The following GLB1 variants were observed in gnomAD, a reference collection of about 807,000 sequenced individuals.
The protein encoded by GLB1 is beta-galactosidase.
In GLB1, 56 loss-of-function variants were observed where a neutral mutation model predicts 74.0. The ratio of observed to expected loss-of-function variants is 0.76; its 90% CI spans 0.61 to 0.94. GLB1 has a LOEUF of 0.94. GLB1 is among the 40% of genes least tolerant of loss of function. The pLI is 0.00. For missense variants in GLB1, 787 were observed against 845.5 expected (o/e 0.93, Z 0.86); for synonymous variants, 323 against 323.6 (o/e 1.00, Z 0.02).
chr3:32,990,830 T>C, the GLB1 span, among the ~76,000 whole-genome samples: 34 of 152,014 alleles, frequency 2.2e-4, no homozygotes, highest in African/African-American at 8.0e-4. Context: ...AAAAATTAGC[T>C]GGGCGTGGTG....
intron 6 of GLB1, among the ~76,000 whole-genome samples, chr3:33,057,842 T>C (rs1285395609): frequency 1.3e-5 from 2 of 152,132 alleles, no homozygotes; most frequent in Non-Finnish European, 2.9e-5. Context: ...GCCCCTGAGA[T>C]AGCAGTACTC....
In GLB1 at chr3:33,077,459, A is replaced by G. The variant is rs9827863; in HGVS notation, c.76-4746T>C. 91,192 of 782,308 alleles carry G rather than the reference A, an allele frequency of 0.12. 6,811 individuals carry two copies. The highest frequency in any genetic ancestry group is 0.35 in the East Asian group (10,697 of 30,870). The allele number at this position is 782,308 out of a possible 1,614,324, so 48.5% of individuals were successfully genotyped here. On this transcript the variant is annotated intron_variant, in intron 1 of 15. Transcript: ENST00000307363. ...AATGGAGGATGAAGATACAACCGAT[A>G]TGTTCCAACAGCAGTCAGGGGGTGT...
At chr3:33,000,246 CAT>C (rs1346827742) in intron 15 of GLB1, among the ~76,000 whole-genome samples, 3 of 152,126 alleles carry the variant, frequency 2.0e-5, no homozygotes, top group Non-Finnish European at 4.4e-5. Flanking sequence ...TGGCCATGCA[CAT>C]GTTTCTTACA....
intron 5 of GLB1, among the ~76,000 whole-genome samples, chr3:33,060,179 T>C (rs961131018): frequency 5.9e-5 from 9 of 152,226 alleles, no homozygotes; most frequent in Non-Finnish European, 5.9e-5. Context: ...CAAGGTTTCA[T>C]GAATGATCCT....
intron 13 of GLB1, among the ~76,000 whole-genome samples, chr3:33,017,270 A>G (rs1469956547): frequency 6.6e-6 from 1 of 152,260 alleles, no homozygotes; most frequent in Non-Finnish European, 1.5e-5. Context: ...AGTTAGGTGG[A>G]GTATTCTCAC....
chr3:33,096,988 G>A (rs1328877360), intron 1 of GLB1, 23 bp downstream of exon 1: 2 of 1,609,634 alleles, frequency 1.2e-6, no homozygotes, highest in East Asian at 2.2e-5. Context: ...ATGCCTCCCC[G>A]TACCCGGGTC....
At chr3:33,095,176 A>C (rs1048333563) in intron 1 of GLB1, among the ~76,000 whole-genome samples, 1 of 132,474 alleles carries the variant, frequency 7.5e-6, no homozygotes, top group Non-Finnish European at 1.5e-5. Flanking sequence ...GTGCCACTGC[A>C]CTCCAGCCTG....
chr3:33,057,171 T>C (rs977408089), intron 6 of GLB1, among the ~76,000 whole-genome samples: 2 of 152,202 alleles, frequency 1.3e-5, no homozygotes, highest in African/African-American at 4.8e-5. Flanking sequence ...TTTAAAAGTA[T>C]GTAGCACTTC....
intron 2 of GLB1, among the ~76,000 whole-genome samples, chr3:33,071,426 TGTTA>T (rs1279491301): frequency 4.5e-4 from 69 of 152,212 alleles, no homozygotes; most frequent in African/African-American, 1.6e-3. Flanking sequence ...CTTTCTTGCC[TGTTA>T]GTTAGTTACT....
chr3:32,974,020 C>T, the GLB1 span, among the ~76,000 whole-genome samples: 1 of 152,134 alleles, frequency 6.6e-6, no homozygotes, highest in Non-Finnish European at 1.5e-5. Flanking sequence ...AGCTACTCCT[C>T]ATCTGCAAAG....
At chr3:33,081,294 C>T (rs747234915) in intron 1 of GLB1, among the ~76,000 whole-genome samples, 1 of 152,106 alleles carries the variant, frequency 6.6e-6, no homozygotes, top group East Asian at 1.9e-4. Context: ...AATCCCAGGC[C>T]GGATATGGGG....
chr3:32,982,429 A>G, the GLB1 span, among the ~76,000 whole-genome samples: 3 of 152,126 alleles, frequency 2.0e-5, no homozygotes, highest in Non-Finnish European at 2.9e-5. Flanking sequence ...TTCAAAGTTT[A>G]AAATTAACCA....
Position 33,046,586 on chromosome 3 carries a change from G to A in GLB1, c.956-354C>T, listed in dbSNP as rs115979300. 3.2e-3 allele frequency among the ~76,000 whole-genome samples: 482 copies of A among 152,202 alleles called. 4 individuals are homozygous for A. Among genetic ancestry groups the A allele is most frequent in the African/African-American group, 0.011 (462 of 41,522 alleles). Reference sequence around the variant, plus strand: ...CACAAGCAGTAATGGCAGGGCTTATGATATGACCCCCATCTCTGACTGTTA... The same window carrying A: ...CACAAGCAGTAATGGCAGGGCTTATAATATGACCCCCATCTCTGACTGTTA... On this transcript the variant is annotated intron_variant, in intron 9 of 15. Transcript: ENST00000307363.
intron 15 of GLB1, among the ~76,000 whole-genome samples, chr3:33,011,951 C>T (rs917805467): frequency 2.0e-5 from 3 of 152,196 alleles, no homozygotes; most frequent in African/African-American, 4.8e-5. Flanking sequence ...CCAAGGGCCT[C>T]CTTGCTTCTA....
chr3:33,047,290 G>A (rs1023520599), intron 9 of GLB1, among the ~76,000 whole-genome samples: 5 of 152,208 alleles, frequency 3.3e-5, no homozygotes, highest in Admixed American at 6.5e-5. Context: ...AGAGGATCCC[G>A]ACCTTGTCAG....
At chr3:33,016,016 A>G (rs1697224581) in intron 14 of GLB1, among the ~76,000 whole-genome samples, 1 of 152,200 alleles carries the variant, frequency 6.6e-6, no homozygotes, top group African/African-American at 2.4e-5. Flanking sequence ...TATGTGTTAG[A>G]AAAACTTATT....
rs1278539491 is a variant in GLB1, at chr3:33,014,035, C to T, written c.1734+21G>A. The stretch of plus-strand genomic sequence containing the variant: ...CAAAAGTTTAGGCCTGAATTCAAAC[C>T]CTTCCCATGAAGACACGTACCTTGG... On this transcript the variant is annotated intron_variant, in intron 15 of 15. Transcript: ENST00000307363. The T allele has an allele frequency of 4.3e-6, 7 of 1,614,070 alleles. No individual in the cohort carries two copies. In the Admixed American group the frequency reaches 1.2e-4, roughly 27 times the overall value.
At chr3:32,986,067 T>C in the GLB1 span, among the ~76,000 whole-genome samples, 1 of 152,244 alleles carries the variant, frequency 6.6e-6, no homozygotes. Context: ...TTTTCTGTTA[T>C]CACTTGCAAG....
intron 10 of GLB1, among the ~76,000 whole-genome samples, chr3:33,024,610 G>A (rs1697652998): frequency 6.6e-6 from 1 of 152,180 alleles, no homozygotes; most frequent in African/African-American, 2.4e-5. Context: ...AGGGTAAACA[G>A]CAGAAGGCTA....
Sources: gnomAD v4.1 joint callset for allele counts (sites outside exome capture counted in the v4.1 genomes callset) on GRCh38, gnomAD v4.1.1 for gene constraint, MANE v1.5 for transcripts, NCBI Gene and HGNC (gene_info 2026-07-23, HGNC 2026-07-21) for gene names.